Variants in TLR10 observed in about 807,000 individuals in gnomAD.
The protein encoded by TLR10 is toll-like receptor 10.
For missense variants in TLR10, 929 were observed against 932.9 expected (o/e 1.00, Z 0.05); for synonymous variants, 288 against 338.8 (o/e 0.85, Z 1.65).
chr4:38,775,664 T>C lies in TLR10; in HGVS notation c.-62-12A>G. The C allele has an allele frequency of 7.5e-7, 1 of 1,339,218 alleles. No individual in the cohort carries two copies. Among genetic ancestry groups the C allele is most frequent in the Non-Finnish European group, 1.0e-6 (1 of 995,772 alleles). 83.0% of individuals were successfully genotyped at this position (1,339,218 alleles called of 1,614,324 possible). A position where few individuals can be genotyped will look rare whatever the true frequency, so the allele number is the denominator to read the frequency against. Reference sequence around the variant, plus strand: ...ATGAGCTCAAAACCCTAAAAAAAAGTATATAATATTAGATTTTTATTTGGT... The same window carrying C: ...ATGAGCTCAAAACCCTAAAAAAAAGCATATAATATTAGATTTTTATTTGGT... On this transcript the variant is annotated splice_polypyrimidine_tract_variant and intron_variant, in intron 3 of 3. Transcript: ENST00000308973.
intron 1 of TLR10, among the ~76,000 whole-genome samples, chr4:38,777,987 G>A (rs1725161953): frequency 6.6e-6 from 1 of 152,122 alleles, no homozygotes; most frequent in African/African-American, 2.4e-5. Flanking sequence ...CTACTATAAA[G>A]ATACATGCAC....
intron 1 of TLR10, among the ~76,000 whole-genome samples, chr4:38,777,778 T>A (rs768760450): frequency 6.6e-6 from 1 of 152,120 alleles, no homozygotes; most frequent in Non-Finnish European, 1.5e-5. Flanking sequence ...AGAATGGTGA[T>A]CATTAAAAAG....
chr4:38,776,634 C>G (rs11466642), intron 1 of TLR10, among the ~76,000 whole-genome samples: 2 of 152,122 alleles, frequency 1.3e-5, no homozygotes, highest in Admixed American at 1.3e-4. Flanking sequence ...TTGGATTAGA[C>G]GTAGAACAGA....
At chr4:38,779,664 T>C (rs938146106) in intron 1 of TLR10, among the ~76,000 whole-genome samples, 5 of 152,266 alleles carry the variant, frequency 3.3e-5, no homozygotes, top group Admixed American at 6.5e-5. Flanking sequence ...ATTGTGTTCA[T>C]AGTATCCAAT....
Position 38,775,451 on chromosome 4 carries a change from G to C in TLR10, c.140C>G (p.Thr47Ser), listed in dbSNP as rs970527116. ...TAAATCCAGTGTCGTTGTGGCTGGG[G>C]TCAAGTCTGCGGGAACCTTTCTTAG... ...MSLRKVPADL[T>S]PATTTLDLSY... The change falls in exon 4 of 4, where the codon ACC becomes AGC. Residue 47 changes from threonine to serine, a missense_variant. By Grantham distance (58) the Thr-to-Ser change is moderately conservative. Transcript: ENST00000308973. The C allele has an allele frequency of 4.3e-6, 7 of 1,614,090 alleles. No individual in the cohort carries two copies. The highest frequency in any genetic ancestry group is 5.9e-6 in the Non-Finnish European group (7 of 1,180,012).
At position 38,774,431 on chromosome 4, in the gene TLR10, A is replaced by C; in HGVS notation, c.1160T>G (p.Leu387Arg). 1 of 1,613,230 alleles carries C rather than the reference A, an allele frequency of 6.2e-7. No individual in the cohort carries two copies. The highest frequency in any genetic ancestry group is 1.1e-5 in the South Asian group (1 of 90,704). ...GTTAGCAAAGCAACTTACTAAAGAAAGTGTCTCCAGTTTATTGCCATTCAA... is the reference window on the plus strand; with the variant it reads ...GTTAGCAAAGCAACTTACTAAAGAACGTGTCTCCAGTTTATTGCCATTCAA... ...LILNGNKLET[L>R]SLVSCFANNT... The change falls in exon 4 of 4, where the codon CTT (leucine) becomes CGT (arginine). Residue 387 changes from leucine (L) to arginine (R), a missense_variant. Physicochemically the swap from Leu to Arg is moderately radical, Grantham distance 102. Transcript: ENST00000308973.
At chr4:38,780,996 G>A (rs1396149799) in intron 1 of TLR10, among the ~76,000 whole-genome samples, 1 of 150,870 alleles carries the variant, frequency 6.6e-6, no homozygotes, top group Non-Finnish European at 1.5e-5. Context: ...TGCTTTAGCT[G>A]GAACTCTGCG....
chr4:38,777,991 C>T (rs191978254), intron 1 of TLR10, among the ~76,000 whole-genome samples: 4 of 152,310 alleles, frequency 2.6e-5, no homozygotes, highest in African/African-American at 9.6e-5. Context: ...TATAAAGATA[C>T]ATGCACACAC....
chr4:38,779,811 A>G (rs1725282182), intron 1 of TLR10, among the ~76,000 whole-genome samples: 1 of 152,076 alleles, frequency 6.6e-6, no homozygotes. Flanking sequence ...ATGACCTCTT[A>G]GTAAATAAAC....
chr4:38,780,226 C>T (rs1233165717), intron 1 of TLR10, among the ~76,000 whole-genome samples: 1 of 151,892 alleles, frequency 6.6e-6, no homozygotes, highest in Non-Finnish European at 1.5e-5. Context: ...CATGGTGAAA[C>T]CCTGTCTCTA....
In TLR10 at chr4:38,775,382, G is replaced by A; in HGVS notation, c.209C>T (p.Ser70Phe). The A allele has an allele frequency of 6.2e-7, 1 of 1,614,116 alleles. No homozygotes were observed. The highest frequency in any genetic ancestry group is 8.5e-7 in the Non-Finnish European group (1 of 1,180,008). The change falls in exon 4 of 4, where the codon TCT becomes TTT. Residue 70 changes from serine to phenylalanine, a missense_variant. By Grantham distance (155) the Ser-to-Phe change is radical (BLOSUM62 -2). Coordinates refer to ENST00000308973, the MANE Select transcript of TLR10 (RefSeq NM_030956.4). ...AATCAAAACTCTCAGTTTGGAGACA[G>A]AATGAAAATCTGAACTCTGGAGTTG... is the stretch of plus-strand genomic sequence containing the variant. ...LFQLQSSDFH[S>F]VSKLRVLILC...
Position 38,773,023 on chromosome 4 carries a change from T to G in TLR10, c.*132A>C. On this transcript the variant is annotated 3_prime_UTR_variant, in exon 4 of 4. Coordinates refer to ENST00000308973, the MANE Select transcript of TLR10 (RefSeq NM_030956.4). ...TATAGGATACATTCTTAGAAATCCT[T>G]CTAGAAACTGATATGAAGGGAATAA... 2 of 866,594 alleles carry G rather than the reference T, an allele frequency of 2.3e-6. No homozygotes were observed. Among genetic ancestry groups the G allele is most frequent in the East Asian group, 6.1e-5 (2 of 32,676 alleles). 53.7% of individuals were successfully genotyped at this position (866,594 alleles called of 1,614,324 possible). A position where few individuals can be genotyped will look rare whatever the true frequency, so the allele number is the denominator to read the frequency against.
Position 38,773,591 on chromosome 4 carries a change from AG to A in TLR10, c.1999del (p.Leu667PhefsTer17). On this transcript the variant is annotated frameshift_variant, in exon 4 of 4. Transcript: ENST00000308973. LOFTEE classifies it low-confidence loss of function (END_TRUNC). ...EKEDGSILICLYESYFDPGKS... is the reference protein window; with the variant it reads ...EKEDGSILICXYESYFDPGKS... ...GCCAGGGTCAAAGTAGCTTTCATAAAGGCAAATCAAGATAGAACCATCTTCC... is the reference window on the plus strand; with the variant it reads ...GCCAGGGTCAAAGTAGCTTTCATAAAGCAAATCAAGATAGAACCATCTTCC... The A allele has an allele frequency of 6.2e-7, 1 of 1,602,008 alleles. No individual in the cohort carries two copies. Among genetic ancestry groups the A allele is most frequent in the Non-Finnish European group, 8.5e-7 (1 of 1,174,714 alleles).
rs1431541865 is a variant in TLR10 at position 38,773,425 on chromosome 4, A to C, written c.2166T>G (p.Ser722=). 1 of 1,612,560 alleles carries C rather than the reference A, an allele frequency of 6.2e-7. No individual in the cohort carries two copies. The highest frequency in any genetic ancestry group is 8.5e-7 in the Non-Finnish European group (1 of 1,179,530). ...FAHHNLFHEN[S]DHIILILLEP... The stretch of plus-strand genomic sequence containing the variant: ...CCAGTAAGATAAGAATTATATGATC[A>C]GAATTTTCATGGAAGAGATTGTGGT... Residue 722 remains serine (S), a synonymous_variant, in exon 4 of 4, where the codon TCT becomes TCG. Coordinates refer to ENST00000308973, the MANE Select transcript of TLR10 (RefSeq NM_030956.4).
At chr4:38,780,904 T>C (rs1678389189) in intron 1 of TLR10, among the ~76,000 whole-genome samples, 1 of 152,088 alleles carries the variant, frequency 6.6e-6, no homozygotes, top group Non-Finnish European at 1.5e-5. Flanking sequence ...TCTCATAGAG[T>C]GCTTAATTTG....
chr4:38,778,449 TAAACAAAC>T (rs143881488), intron 1 of TLR10, among the ~76,000 whole-genome samples: 14,362 of 151,648 alleles, frequency 0.095, 1,181 homozygotes, highest in African/African-American at 0.2. Flanking sequence ...AATAAATAAA[TAAACAAAC>T]AAACAAATAA....
In TLR10 at chr4:38,773,994, A is replaced by G; in HGVS notation, c.1597T>C (p.Phe533Leu). ...PFRCTCELKN[F>L]IQLETYSEVM... ...TCTGAATATGTTTCAAGCTGAATGA[A>G]ATTTTTTAATTCACAGGTACACCGG... The change falls in exon 4 of 4, where the codon TTC becomes CTC. Residue 533 changes from phenylalanine (F) to leucine (L), a missense_variant. By Grantham distance (22) the Phe-to-Leu change is conservative. Transcript: ENST00000308973. 6.3e-7 allele frequency: 1 copy of G among 1,593,944 alleles called. No homozygotes were observed.
rs757615950 is a variant in TLR10 at position 38,775,443 on chromosome 4, T to C, written c.148A>G (p.Thr50Ala). ...RKVPADLTPATTTLDLSYNLL... is the reference protein window; with the variant it reads ...RKVPADLTPAATTLDLSYNLL... ...TTATAGGATAAATCCAGTGTCGTTG[T>C]GGCTGGGGTCAAGTCTGCGGGAACC... The change falls in exon 4 of 4, where the codon ACA becomes GCA. Residue 50 changes from threonine (T) to alanine (A), a missense_variant. By Grantham distance (58) the Thr-to-Ala change is moderately conservative. Coordinates refer to ENST00000308973, the MANE Select transcript of TLR10 (RefSeq NM_030956.4). The C allele has an allele frequency of 2.5e-6, 4 of 1,614,088 alleles. No homozygotes were observed. The African/African-American group carries it at 4.0e-5, about 16-fold the overall frequency.
chr4:38,774,969 G>A lies in TLR10; in HGVS notation c.622C>T (p.Arg208Cys), dbSNP rs376747590. 23 of 1,613,210 alleles carry A rather than the reference G, an allele frequency of 1.4e-5. No individual in the cohort carries two copies. Among genetic ancestry groups the A allele is most frequent in the African/African-American group, 5.3e-5 (4 of 74,968 alleles). Residue 208 changes from arginine to cysteine, a missense_variant, in exon 4 of 4, where the codon CGT (arginine) becomes TGT (cysteine). Transcript: ENST00000308973. ...ATTTTTGAAGTCTTGATTCCATCAC[G>A]CAAAAGAACCCAGAAATTTGTGTCC... ...PMDTNFWVLL[R>C]DGIKTSKILE... is the part of the protein sequence containing the mutation.
Sources: allele counts gnomAD v4.1 joint callset (sites outside exome capture counted in the v4.1 genomes callset), GRCh38; gene constraint gnomAD v4.1.1; transcripts MANE v1.5; gene names NCBI Gene and HGNC (gene_info 2026-07-23, HGNC 2026-07-21).